The following KCNH1 variants were observed in gnomAD, a reference collection of about 807,000 sequenced individuals.
The protein encoded by KCNH1 is voltage-gated delayed rectifier potassium channel KCNH1.
KCNH1 carries 27 observed loss-of-function variants against 69.2 expected under a neutral mutation model. The ratio of observed to expected loss-of-function variants is 0.39; its 90% CI spans 0.29 to 0.54. The LOEUF is 0.54. KCNH1 is among the 20% of genes least tolerant of loss of function. KCNH1 has a pLI of 0.68. For missense variants in KCNH1, 798 were observed against 1,261.6 expected, an observed-to-expected ratio of 0.63 and a Z score of 5.57; for synonymous variants, 456 against 487.7, an observed-to-expected ratio of 0.93 and a Z score of 0.86.
chr1:210,877,192 A>T (rs1210947589), intron 7 of KCNH1, among the ~76,000 whole-genome samples: 3 of 152,260 alleles, frequency 2.0e-5, no homozygotes, highest in East Asian at 1.9e-4. Context: ...GAAATTTACT[A>T]ATTATAGCTG....
chr1:210,937,860 G>A lies in KCNH1; in HGVS notation c.1033-17791C>T, dbSNP rs914233598. Among the ~76,000 whole-genome samples, 117 of 152,292 alleles carry A rather than the reference G, an allele frequency of 7.7e-4. 1 individual carries two copies. Among genetic ancestry groups the A allele is most frequent in the Middle Eastern group, 3.4e-3 (1 of 294 alleles). Reference sequence around the variant, plus strand: ...TGGTTCCCAAAGCACCTCTCTTTATGTCTAATTAAACCTAAGTCCTTTTCT... The same window carrying A: ...TGGTTCCCAAAGCACCTCTCTTTATATCTAATTAAACCTAAGTCCTTTTCT... On this transcript the variant is annotated intron_variant, in intron 6 of 10. Transcript: ENST00000271751.
At chr1:211,125,906 C>T (rs74573890) in intron 1 of KCNH1, among the ~76,000 whole-genome samples, 168 of 152,274 alleles carry the variant, frequency 1.1e-3, no homozygotes, top group African/African-American at 3.9e-3. Flanking sequence ...ACATAATGAA[C>T]AATCAGTATG....
chr1:210,684,748 TG>T (rs1558421911), intron 10 of KCNH1, among the ~76,000 whole-genome samples: 1 of 152,214 alleles, frequency 6.6e-6, no homozygotes, highest in South Asian at 2.1e-4. Context: ...GTCCTTGTCT[TG>T]GGGAGCTTAC....
intron 7 of KCNH1, among the ~76,000 whole-genome samples, chr1:210,838,874 A>G (rs1558491101): frequency 1.3e-5 from 2 of 152,212 alleles, no homozygotes; most frequent in South Asian, 2.1e-4. Context: ...ACCATCTCAC[A>G]CCAGTCAGAA....
chr1:211,125,042 C>T (rs551139285), intron 1 of KCNH1, among the ~76,000 whole-genome samples: 13 of 152,324 alleles, frequency 8.5e-5, no homozygotes, highest in South Asian at 2.1e-4. Context: ...CAGCTGGAAG[C>T]TTTAAGTCTC....
At chr1:210,875,977 A>G (rs1686366083) in intron 7 of KCNH1, among the ~76,000 whole-genome samples, 1 of 152,126 alleles carries the variant, frequency 6.6e-6, no homozygotes, top group African/African-American at 2.4e-5. Flanking sequence ...ACATCACAGG[A>G]AATGTTTAAA....
intron 6 of KCNH1, among the ~76,000 whole-genome samples, chr1:210,998,221 T>A (rs1381965717): frequency 6.6e-6 from 1 of 152,186 alleles, no homozygotes. Flanking sequence ...ACTGGCAAAT[T>A]GGACAAAGAG....
intron 6 of KCNH1, among the ~76,000 whole-genome samples, chr1:210,999,049 C>A (rs1394188629): frequency 6.6e-6 from 1 of 152,152 alleles, no homozygotes; most frequent in South Asian, 2.1e-4. Flanking sequence ...TACATGCCCA[C>A]AAGAGAAAGC....
intron 10 of KCNH1, among the ~76,000 whole-genome samples, chr1:210,743,754 ACT>A (rs1362673415): frequency 6.6e-6 from 1 of 152,100 alleles, no homozygotes; most frequent in Non-Finnish European, 1.5e-5. Context: ...GTTGGAAGTG[ACT>A]CTACTCATTG....
intron 7 of KCNH1, among the ~76,000 whole-genome samples, chr1:210,820,070 G>T (rs1273476112): frequency 6.6e-6 from 1 of 152,146 alleles, no homozygotes; most frequent in Non-Finnish European, 1.5e-5. Flanking sequence ...CTTCATCCAT[G>T]GAAGCCAGAA....
At chr1:210,871,155 G>A (rs1429858851) in intron 7 of KCNH1, among the ~76,000 whole-genome samples, 1 of 152,118 alleles carries the variant, frequency 6.6e-6, no homozygotes, top group Non-Finnish European at 1.5e-5. Context: ...CTATTCATCT[G>A]ACAAAGGGCT....
intron 7 of KCNH1, among the ~76,000 whole-genome samples, chr1:210,884,804 G>A (rs564046344): frequency 3.9e-5 from 6 of 152,164 alleles, no homozygotes; most frequent in Non-Finnish European, 7.3e-5. Flanking sequence ...TTTGTACCGC[G>A]ATTCCTGAAC....
chr1:210,870,071 G>T (rs938410810), intron 7 of KCNH1, among the ~76,000 whole-genome samples: 1 of 152,100 alleles, frequency 6.6e-6, no homozygotes, highest in Non-Finnish European at 1.5e-5. Flanking sequence ...TCTCCAGGCA[G>T]AAAGTTGGTA....
At chr1:210,798,135 G>A (rs554689209) in intron 8 of KCNH1, among the ~76,000 whole-genome samples, 1 of 151,562 alleles carries the variant, frequency 6.6e-6, no homozygotes, top group South Asian at 2.1e-4. Flanking sequence ...CGCCTCCCAG[G>A]TTCACGCCAT....
intron 1 of KCNH1, among the ~76,000 whole-genome samples, chr1:211,127,975 T>C (rs187487905): frequency 6.6e-6 from 1 of 152,224 alleles, no homozygotes; most frequent in Non-Finnish European, 1.5e-5. Flanking sequence ...AGTCATACTA[T>C]AAAGCACGAT....
At chr1:210,719,421 C>A (rs1682396024) in intron 10 of KCNH1, among the ~76,000 whole-genome samples, 1 of 152,166 alleles carries the variant, frequency 6.6e-6, no homozygotes, top group Admixed American at 6.5e-5. Flanking sequence ...TGGAAACCAT[C>A]ATTCTCAGCA....
chr1:211,022,475 G>T (rs538585752), intron 5 of KCNH1, among the ~76,000 whole-genome samples: 3 of 152,034 alleles, frequency 2.0e-5, no homozygotes, highest in Non-Finnish European at 4.4e-5. Flanking sequence ...TAGCCAAATA[G>T]GATTATATCA....
intron 10 of KCNH1, among the ~76,000 whole-genome samples, chr1:210,761,456 A>G (rs1683519651): frequency 6.6e-6 from 1 of 152,034 alleles, no homozygotes; most frequent in Admixed American, 6.5e-5. Context: ...GGCAAATTGG[A>G]TTAAAAAAAC....
Position 210,806,806 on chromosome 1 carries a change from CCAAAAAAAAAAAAAAAA to C in KCNH1, c.1463-2657_1463-2641del, listed in dbSNP as rs1354865580. Among the ~76,000 whole-genome samples the C allele has an allele frequency of 2.7e-3, 230 of 86,266 alleles. 25 individuals carry two copies. The highest frequency in any genetic ancestry group is 0.011 in the South Asian group (24 of 2,172). The allele number at this position is 86,266 out of a possible 152,430, so 56.6% of individuals were successfully genotyped here. On this transcript the variant is annotated intron_variant, in intron 7 of 10. Coordinates refer to ENST00000271751, the MANE Select transcript of KCNH1 (RefSeq NM_172362.3). The stretch of plus-strand genomic sequence containing the variant: ...CCAATATGGTGAAACCCCATCTCTA[CCAAAAAAAAAAAAAAAA>C]AAAAAAAAAAAAAATATATATATAT...
Sources: allele counts gnomAD v4.1 joint callset (sites outside exome capture counted in the v4.1 genomes callset), GRCh38; gene constraint gnomAD v4.1.1; transcripts MANE v1.5; gene names NCBI Gene and HGNC (gene_info 2026-07-23, HGNC 2026-07-21).